Variants in SAMMSON observed in about 807,000 individuals in gnomAD.
The protein encoded by SAMMSON is survival associated mitochondrial melanoma specific oncogenic non-coding RNA.
At chr3:70,283,248 T>G (rs1415166132) in intron 6 of SAMMSON, among the ~76,000 whole-genome samples, 2 of 152,106 alleles carry the variant, frequency 1.3e-5, no homozygotes, top group South Asian at 4.1e-4. Flanking sequence ...GCGGGAACCT[T>G]GTAAACTCAT....
At chr3:70,008,333 T>C (rs1363558123) in intron 1 of SAMMSON, among the ~76,000 whole-genome samples, 7 of 152,094 alleles carry the variant, frequency 4.6e-5, no homozygotes, top group Non-Finnish European at 1.0e-4. Context: ...GAGCGGTGGT[T>C]TGTAGTTCTC....
chr3:70,419,153 T>C (rs1162603547), intron 2 of SAMMSON, among the ~76,000 whole-genome samples: 2 of 151,866 alleles, frequency 1.3e-5, no homozygotes, highest in African/African-American at 4.8e-5. Context: ...GCCTCCTGAG[T>C]AACTGGGACT....
intron 3 of SAMMSON, among the ~76,000 whole-genome samples, chr3:70,065,756 C>G (rs2067207261): frequency 6.6e-6 from 1 of 151,988 alleles, no homozygotes; most frequent in Admixed American, 6.6e-5. Flanking sequence ...ACAGCCACCC[C>G]CACAACACAC....
At chr3:70,410,796 A>C (rs1305886500) in intron 2 of SAMMSON, among the ~76,000 whole-genome samples, 1 of 152,200 alleles carries the variant, frequency 6.6e-6, no homozygotes, top group African/African-American at 2.4e-5. Context: ...TTTATCATGA[A>C]ATTGATTATG....
intron 6 of SAMMSON, among the ~76,000 whole-genome samples, chr3:70,268,050 CCTT>C (rs1438858022): frequency 5.3e-5 from 8 of 150,422 alleles, no homozygotes; most frequent in African/African-American, 7.4e-5. Flanking sequence ...TCCTCCTCCT[CCTT>C]CTTCTCCAAT....
At chr3:70,413,517 G>A (rs887096710) in intron 2 of SAMMSON, among the ~76,000 whole-genome samples, 2 of 152,048 alleles carry the variant, frequency 1.3e-5, no homozygotes, top group South Asian at 2.1e-4. Context: ...GAAAATGTAC[G>A]CAGAGTAATC....
chr3:70,310,510 GGT>G (rs903989964), intron 7 of SAMMSON, among the ~76,000 whole-genome samples: 10 of 151,716 alleles, frequency 6.6e-5, no homozygotes, highest in African/African-American at 2.2e-4. Flanking sequence ...GGACTACAGG[GGT>G]GTGCCACCAC....
At chr3:70,221,807 T>C (rs572679931) in intron 4 of SAMMSON, among the ~76,000 whole-genome samples, 1 of 152,212 alleles carries the variant, frequency 6.6e-6, no homozygotes, top group South Asian at 2.1e-4. Flanking sequence ...GGTCTTGCCA[T>C]TTACAGGACA....
chr3:70,275,102 C>T (rs527814521), intron 6 of SAMMSON, among the ~76,000 whole-genome samples: 65 of 152,234 alleles, frequency 4.3e-4, no homozygotes, highest in Middle Eastern at 3.4e-3. Context: ...AACAGAAGTT[C>T]TTGTGGTCAT....
At chr3:70,219,899 G>A (rs1701447028) in intron 4 of SAMMSON, among the ~76,000 whole-genome samples, 1 of 152,082 alleles carries the variant, frequency 6.6e-6, no homozygotes, top group African/African-American at 2.4e-5. Context: ...AACCATCTAA[G>A]CATAAGCGTT....
intron 3 of SAMMSON, chr3:70,030,749 C>T (rs949661576): frequency 1.3e-5 from 2 of 152,132 alleles, no homozygotes; most frequent in Non-Finnish European, 2.9e-5. Flanking sequence ...AGACATTTGT[C>T]CATAGGATAT....
At chr3:70,410,274 G>A (rs1329595995) in intron 2 of SAMMSON, among the ~76,000 whole-genome samples, 1 of 152,110 alleles carries the variant, frequency 6.6e-6, no homozygotes, top group Non-Finnish European at 1.5e-5. Flanking sequence ...TAGAAAACCA[G>A]GTATAGTGTT....
chr3:70,392,486 C>T (rs150585906), downstream of SAMMSON, among the ~76,000 whole-genome samples: 2 of 152,206 alleles, frequency 1.3e-5, no homozygotes, highest in East Asian at 1.9e-4. Context: ...TTTGCAGCCT[C>T]GTAGTTGATT....
intron 4 of SAMMSON, among the ~76,000 whole-genome samples, chr3:70,199,390 A>AT (rs1008167706): frequency 4.0e-5 from 6 of 151,722 alleles, no homozygotes; most frequent in African/African-American, 1.5e-4. Context: ...GAAAAAAAAA[A>AT]GTTTTGGCTT....
At chr3:70,256,456 A>T (rs1421839523) in intron 6 of SAMMSON, among the ~76,000 whole-genome samples, 1 of 152,188 alleles carries the variant, frequency 6.6e-6, no homozygotes, top group Non-Finnish European at 1.5e-5. Context: ...TAATTTAAGG[A>T]GGTATATTAA....
At chr3:70,091,212 T>A (rs1161865071) in intron 4 of SAMMSON, among the ~76,000 whole-genome samples, 1 of 152,206 alleles carries the variant, frequency 6.6e-6, no homozygotes, top group African/African-American at 2.4e-5. Flanking sequence ...ACAGTCTGCA[T>A]AATTTCCAAC....
intron 4 of SAMMSON, among the ~76,000 whole-genome samples, chr3:70,166,399 G>T (rs564142834): frequency 6.6e-6 from 1 of 151,986 alleles, no homozygotes; most frequent in South Asian, 2.1e-4. Context: ...GTTACCCCTG[G>T]GCAATTTTGC....
chr3:70,129,501 C>T (rs2067472972), intron 4 of SAMMSON, among the ~76,000 whole-genome samples: 1 of 152,056 alleles, frequency 6.6e-6, no homozygotes, highest in Admixed American at 6.6e-5. Flanking sequence ...TTAGGGATGG[C>T]CTATTTTTAA....
chr3:70,100,531 G>A (rs2320442), intron 4 of SAMMSON, among the ~76,000 whole-genome samples: 2 of 214 alleles, frequency 9.3e-3, no homozygotes, highest in Non-Finnish European at 0.031. Flanking sequence ...GGGGGGGGGG[G>A]GGAAGCACCA....
Sources: gnomAD v4.1 joint callset for allele counts (sites outside exome capture counted in the v4.1 genomes callset) on GRCh38, gnomAD v4.1.1 for gene constraint, MANE v1.5 for transcripts, NCBI Gene and HGNC (gene_info 2026-07-23, HGNC 2026-07-21) for gene names.